RRBP1: variants seen among roughly 807,000 people sequenced by gnomAD.
RRBP1 encodes the protein ribosome binding protein 1.
RRBP1 carries 94 observed loss-of-function variants against 165.2 expected under a neutral mutation model. The observed-to-expected ratio is 0.57, with a 90% confidence interval of 0.48 to 0.68. The LOEUF (loss-of-function observed/expected upper bound fraction) is 0.68. RRBP1 is among the 30% of genes least tolerant of loss of function. The pLI is 0.00. For synonymous variants in RRBP1, 680 were observed against 714.5 expected, an observed-to-expected ratio of 0.95 and a Z score of 0.77; for missense variants, 1,676 against 1,763.0, an observed-to-expected ratio of 0.95 and a Z score of 0.88.
chr20:17,625,454 C>T, intron 12 of RRBP1, 58 bp downstream of exon 12: 1 of 1,499,886 alleles, frequency 6.7e-7, no homozygotes, highest in Non-Finnish European at 9.2e-7. Context: ...AGAACCTTTC[C>T]CGGCCCCACC....
chr20:17,659,990 G>T lies in RRBP1; in HGVS notation c.518C>A (p.Ala173Asp). 6.2e-7 allele frequency: 1 copy of T among 1,610,792 alleles called. No individual in the cohort carries two copies. The stretch of plus-strand genomic sequence containing the variant: ...CACCACCATCGGCACCTCCTTGGGA[G>T]CAGTTTCCAAGATGGCAGCCTTCGA... The part of the protein sequence containing the change: ...LTSKAAILET[A>D]PKEVPMVVVP... Residue 173 changes from alanine (A) to aspartate (D), a missense_variant, in exon 3 of 25, where the codon GCT becomes GAT. By Grantham distance (126) the Ala-to-Asp change is moderately radical (BLOSUM62 -2). Around this residue, in one of 5 missense-constraint regions of RRBP1, gnomAD observed 392 missense variants for 382.5 expected, o/e 1.02. Transcript: ENST00000377813.
At chr20:17,622,027 C>T in intron 13 of RRBP1, 80 bp from the exon 14 acceptor site, 1 of 1,049,662 alleles carries the variant, frequency 9.5e-7, no homozygotes, top group Non-Finnish European at 1.5e-6. Flanking sequence ...ACTGATATGC[C>T]CGGGTCTCTG....
intron 2 of RRBP1, among the ~76,000 whole-genome samples, chr20:17,664,674 GT>G (rs1357431887): frequency 1.3e-5 from 2 of 152,238 alleles, no homozygotes; most frequent in Non-Finnish European, 2.9e-5. Flanking sequence ...GGCCAAGCCA[GT>G]TGGGTCCAAT....
intron 4 of RRBP1, among the ~76,000 whole-genome samples, chr20:17,642,742 C>G (rs2036387613): frequency 1.3e-5 from 2 of 152,296 alleles, no homozygotes; most frequent in African/African-American, 4.8e-5. Flanking sequence ...TCCCTAGATC[C>G]CATACCCTGC....
intron 7 of RRBP1, 69 bp from the exon 8 acceptor site, chr20:17,633,682 C>G: frequency 6.7e-7 from 1 of 1,491,410 alleles, no homozygotes; most frequent in Non-Finnish European, 9.2e-7. Flanking sequence ...CAAGCCCTCC[C>G]TCCAGGACTC....
chr20:17,622,002 C>A (rs1345869079), intron 13 of RRBP1, 55 bp from the exon 14 acceptor site: 2 of 1,357,684 alleles, frequency 1.5e-6, no homozygotes, highest in East Asian at 2.3e-5. Context: ...GTGTGGGGCA[C>A]CTCCCCAGGT....
At chr20:17,640,295 A>G (rs1267864501) in intron 5 of RRBP1, among the ~76,000 whole-genome samples, 1 of 152,246 alleles carries the variant, frequency 6.6e-6, no homozygotes, top group Non-Finnish European at 1.5e-5. Flanking sequence ...CTTCCAGAGT[A>G]AGAAGACAAT....
At chr20:17,664,244 C>T (rs1444160919) in intron 2 of RRBP1, among the ~76,000 whole-genome samples, 5 of 152,178 alleles carry the variant, frequency 3.3e-5, no homozygotes, top group Non-Finnish European at 7.3e-5. Flanking sequence ...AAGTGACGCA[C>T]AGGCAGGTAA....
At chr20:17,657,355 A>G (rs2036663087) in intron 3 of RRBP1, among the ~76,000 whole-genome samples, 2 of 152,106 alleles carry the variant, frequency 1.3e-5, no homozygotes, top group African/African-American at 2.4e-5. Flanking sequence ...TGCCCCAGCA[A>G]ATGGCCCATC....
rs1296155392 is a variant in RRBP1, at chr20:17,643,928, A to C, written c.1913-801T>G. On this transcript the variant is annotated intron_variant, in intron 3 of 24. Transcript: ENST00000377813. The surrounding 1 kb of genome is among the most constrained non-coding windows in gnomAD (Gnocchi z 4.3). The stretch of plus-strand genomic sequence containing the variant: ...CTTGAATGCAGCCTCGGAAGCAAGA[A>C]AGGGTGAACCAAGATGCCACGCCTG... Among the ~76,000 whole-genome samples the C allele has an allele frequency of 6.6e-6, 1 of 152,158 alleles. No homozygotes were observed. The highest frequency in any genetic ancestry group is 1.5e-5 in the Non-Finnish European group (1 of 68,032).
chr20:17,645,103 T>C (rs1457022491), intron 3 of RRBP1, among the ~76,000 whole-genome samples: 1 of 152,224 alleles, frequency 6.6e-6, no homozygotes. Context: ...CCAAGAGCTC[T>C]GGCCTCTCTT....
At chr20:17,637,592 C>T (rs1228672957) in intron 5 of RRBP1, among the ~76,000 whole-genome samples, 4 of 152,310 alleles carry the variant, frequency 2.6e-5, no homozygotes, top group Admixed American at 2.6e-4. Context: ...GGCAGTGGGC[C>T]AGGAGTGAGG....
intron 2 of RRBP1, among the ~76,000 whole-genome samples, chr20:17,677,336 A>G (rs2037102257): frequency 6.6e-6 from 1 of 152,244 alleles, no homozygotes; most frequent in South Asian, 2.1e-4. Flanking sequence ...ATTCATTATC[A>G]CTATAAATAG....
chr20:17,619,624 C>G lies in RRBP1; in HGVS notation c.3675+9G>C. The G allele has an allele frequency of 6.2e-7, 1 of 1,603,462 alleles. No individual in the cohort carries two copies. Among genetic ancestry groups the G allele is most frequent in the South Asian group, 1.1e-5 (1 of 89,846 alleles). On this transcript the variant is annotated intron_variant, in intron 19 of 24. Transcript: ENST00000377813. ...GGCAGGGGCTGCACTCCTTGGGGGG[C>G]AGACTCACCCCTGCCACCTCCTTGG...
rs368982388 is a variant in RRBP1 at position 17,615,946 on chromosome 20, G to A, written c.3931C>T (p.Leu1311Phe). The A allele has an allele frequency of 1.9e-5, 31 of 1,610,028 alleles. No homozygotes were observed. The Admixed American group carries it at 2.0e-4, about 10-fold the overall frequency. The part of the protein sequence containing the change: ...LEDEQTQRQK[L>F]TAEFEEAQTS... ...CTGACCTCCTCAAACTCGGCCGTGA[G>A]CTTCTGCCGCTGTGTCTGCTCATCC... is the stretch of plus-strand genomic sequence containing the variant. Residue 1311 changes from leucine to phenylalanine, a missense_variant, in exon 22 of 25, where the codon CTC becomes TTC. By Grantham distance (22) the Leu-to-Phe change is conservative. Coordinates refer to ENST00000377813, the MANE Select transcript of RRBP1 (RefSeq NM_001365613.2).
chr20:17,619,582 G>C, intron 19 of RRBP1, 51 bp downstream of exon 19: 1 of 1,335,674 alleles, frequency 7.5e-7, no homozygotes, highest in Non-Finnish European at 1.1e-6. Context: ...AGCTCAGGGA[G>C]GACCGCAGAT....
chr20:17,638,025 G>A (rs1022249429), intron 5 of RRBP1, among the ~76,000 whole-genome samples: 1 of 152,158 alleles, frequency 6.6e-6, no homozygotes, highest in African/African-American at 2.4e-5. Flanking sequence ...CCCAAACCTA[G>A]GACTGTACAA....
rs73262627 is a variant in RRBP1, at chr20:17,635,403, G to A, written c.2456+143C>T. ...AGACTCAGGGGCCCAGAACCCAGAC[G>A]GGAGATGGAAGGTCAGGACGGCTCC... On this transcript the variant is annotated intron_variant, in intron 7 of 24. Coordinates refer to ENST00000377813, the MANE Select transcript of RRBP1 (RefSeq NM_001365613.2). The A allele has an allele frequency of 7.5e-4, 471 of 631,452 alleles. 1 individual carries two copies. The African/African-American group carries it at 7.6e-3, about 10-fold the overall frequency. 39.1% of individuals were successfully genotyped at this position (631,452 alleles called of 1,614,324 possible).
chr20:17,641,066 C>T (rs1004901463), intron 5 of RRBP1, among the ~76,000 whole-genome samples: 1 of 146,622 alleles, frequency 6.8e-6, no homozygotes, highest in Non-Finnish European at 1.5e-5. Flanking sequence ...GGCCAGGGGG[C>T]CCCTCACCCT....
Sources: allele counts gnomAD v4.1 joint callset (sites outside exome capture counted in the v4.1 genomes callset), GRCh38; gene constraint gnomAD v4.1.1; regional missense constraint gnomAD v4.1.1; non-coding constraint Gnocchi (gnomAD v3.1); transcripts MANE v1.5; gene names NCBI Gene and HGNC (gene_info 2026-07-23, HGNC 2026-07-21).